The following TRPS1 variants were observed in gnomAD, a reference collection of about 807,000 sequenced individuals.
TRPS1 encodes the protein zinc finger transcription factor Trps1.
TRPS1 carries 6 observed loss-of-function variants against 101.2 expected under a neutral mutation model. The ratio of observed to expected loss-of-function variants is 0.06; its 90% CI spans 0.03 to 0.12. The LOEUF (loss-of-function observed/expected upper bound fraction) is 0.12, where lower values mean the gene tolerates loss of function less well. Ranked by LOEUF, TRPS1 falls within the 10% of genes least tolerant of loss-of-function variation. The probability of loss-of-function intolerance (pLI) is 1.00; values close to 1 mark genes in which losing one functional copy is unlikely to be tolerated. For missense variants in TRPS1, 1,363 were observed against 1,567.0 expected, an observed-to-expected ratio of 0.87 and a Z score of 2.20; for synonymous variants, 578 against 589.8, an observed-to-expected ratio of 0.98 and a Z score of 0.29.
chr8:115,442,345 G>A (rs914323383), intron 5 of TRPS1, among the ~76,000 whole-genome samples: 6 of 152,098 alleles, frequency 3.9e-5, no homozygotes, highest in Non-Finnish European at 7.4e-5. Context: ...ATTTTTGCTT[G>A]CAGGAATATG....
chr8:115,560,201 A>C (rs777342985), intron 5 of TRPS1, among the ~76,000 whole-genome samples: 7 of 152,120 alleles, frequency 4.6e-5, no homozygotes, highest in Non-Finnish European at 8.8e-5. Flanking sequence ...TGGGCATTCA[A>C]AATCTAAAAA....
At chr8:115,440,418 G>T (rs1014503285) in intron 5 of TRPS1, among the ~76,000 whole-genome samples, 4 of 152,188 alleles carry the variant, frequency 2.6e-5, no homozygotes, top group African/African-American at 9.7e-5. Flanking sequence ...ACACTGAATG[G>T]GAAGGAAGTA....
intron 5 of TRPS1, among the ~76,000 whole-genome samples, chr8:115,551,877 CAT>C (rs1305905869): frequency 2.0e-5 from 3 of 152,182 alleles, no homozygotes; most frequent in African/African-American, 7.2e-5. Flanking sequence ...GGCTTGCTAA[CAT>C]AGCAGAAAAG....
chr8:115,596,509 A>G (rs958977270), intron 4 of TRPS1, among the ~76,000 whole-genome samples: 1 of 151,922 alleles, frequency 6.6e-6, no homozygotes, highest in South Asian at 2.1e-4. Context: ...GAATCATAGA[A>G]TGTGATTTTA....
chr8:115,588,935 G>A (rs760370499), intron 4 of TRPS1, among the ~76,000 whole-genome samples: 3 of 152,200 alleles, frequency 2.0e-5, no homozygotes, highest in Non-Finnish European at 2.9e-5. Flanking sequence ...GACTAGACAG[G>A]AAGTTTCACA....
At chr8:115,429,889 A>C (rs981843710) in intron 5 of TRPS1, among the ~76,000 whole-genome samples, 10 of 152,198 alleles carry the variant, frequency 6.6e-5, no homozygotes, top group Admixed American at 6.5e-5. Flanking sequence ...TTATTTTTTA[A>C]AGTGATCTGT....
intron 5 of TRPS1, among the ~76,000 whole-genome samples, chr8:115,455,896 T>C (rs975209645): frequency 6.6e-6 from 1 of 150,892 alleles, no homozygotes; most frequent in African/African-American, 2.4e-5. Flanking sequence ...ACCATTCTCC[T>C]GCCTCAGCCT....
At chr8:115,641,761 T>A (rs1485160327) in intron 1 of TRPS1, among the ~76,000 whole-genome samples, 1 of 152,158 alleles carries the variant, frequency 6.6e-6, no homozygotes, top group Non-Finnish European at 1.5e-5. Flanking sequence ...ATGCCTGTAG[T>A]CTCAGCTACT....
rs573426032 is a variant in TRPS1 at position 115,628,155 on chromosome 8, C to T, written c.-121-4397G>A. Among the ~76,000 whole-genome samples, 26 of 151,780 alleles carry T rather than the reference C, an allele frequency of 1.7e-4. 1 individual carries two copies. The highest frequency in any genetic ancestry group is 6.0e-4 in the African/African-American group (25 of 41,478). Reference sequence around the variant, plus strand: ...TATGCAATAGTTCTTCCTCATGAAACTAGGAAACAACTCACAAAGCACTAG... The same window carrying T: ...TATGCAATAGTTCTTCCTCATGAAATTAGGAAACAACTCACAAAGCACTAG... On this transcript the variant is annotated intron_variant, in intron 1 of 6. Coordinates refer to ENST00000395715, the MANE Select transcript of TRPS1 (RefSeq NM_014112.5).
At chr8:115,531,626 G>C (rs1045517293) in intron 5 of TRPS1, among the ~76,000 whole-genome samples, 1 of 152,154 alleles carries the variant, frequency 6.6e-6, no homozygotes, top group Non-Finnish European at 1.5e-5. Context: ...AAAGAAGGTG[G>C]AGTACCCTTT....
At chr8:115,505,578 A>T (rs1815422043) in intron 5 of TRPS1, among the ~76,000 whole-genome samples, 1 of 152,150 alleles carries the variant, frequency 6.6e-6, no homozygotes, top group African/African-American at 2.4e-5. Flanking sequence ...CTTCTGGTTT[A>T]CCAATTTCTA....
Position 115,619,941 on chromosome 8 carries a change from C to T in TRPS1, c.157G>A (p.Asp53Asn). 2.5e-6 allele frequency: 4 copies of T among 1,614,196 alleles called. No individual in the cohort carries two copies. The highest frequency in any genetic ancestry group is 3.4e-6 in the Non-Finnish European group (4 of 1,180,028). ...TGATCCGTATTTTCTGACATCTGAT[C>T]TGCAGAAAATTCTTTGTTCTTTCCA... ...VSGKNKEFSADQMSENTDQSD... is the reference protein window; with the variant it reads ...VSGKNKEFSANQMSENTDQSD... Residue 53 changes from aspartate (D) to asparagine (N), a missense_variant, in exon 3 of 7, where the codon GAT becomes AAT. Asp to Asn is a conservative substitution (Grantham distance 23). Transcript: ENST00000395715.
chr8:115,455,602 T>C (rs1813995536), intron 5 of TRPS1, among the ~76,000 whole-genome samples: 1 of 152,134 alleles, frequency 6.6e-6, no homozygotes, highest in Non-Finnish European at 1.5e-5. Context: ...TTTAAACAGG[T>C]AATACTGAAC....
chr8:115,573,727 T>A, intron 5 of TRPS1, among the ~76,000 whole-genome samples: 1 of 152,228 alleles, frequency 6.6e-6, no homozygotes, highest in East Asian at 1.9e-4. Flanking sequence ...ATAAACATTT[T>A]AGAAAATTAT....
At chr8:115,476,898 T>C (rs1814620273) in intron 5 of TRPS1, among the ~76,000 whole-genome samples, 1 of 152,164 alleles carries the variant, frequency 6.6e-6, no homozygotes, top group East Asian at 1.9e-4. Context: ...CACTTAACAC[T>C]CATATATAAT....
At chr8:115,622,186 C>T (rs1193418194) in intron 2 of TRPS1, among the ~76,000 whole-genome samples, 2 of 151,856 alleles carry the variant, frequency 1.3e-5, no homozygotes, top group East Asian at 3.9e-4. Context: ...ACTTGATAAC[C>T]ACTGTTAAAA....
intron 5 of TRPS1, among the ~76,000 whole-genome samples, chr8:115,575,746 A>G (rs1479014651): frequency 6.6e-6 from 1 of 152,098 alleles, no homozygotes; most frequent in Admixed American, 6.6e-5. Flanking sequence ...ATGACATATG[A>G]TCTCTGAAGG....
intron 1 of TRPS1, among the ~76,000 whole-genome samples, chr8:115,660,014 C>A (rs1321418723): frequency 6.6e-6 from 1 of 151,968 alleles, no homozygotes; most frequent in Non-Finnish European, 1.5e-5. Context: ...TATGAAGCCA[C>A]AAATTCATAT....
Position 115,413,685 on chromosome 8 carries a change from G to A in TRPS1, c.*338C>T, listed in dbSNP as rs1238445590. ...TGTAAACCCTTTCAAATTCTAGACAGTTTTGGTCTCTTTCTTTATAAATAT... is the reference window on the plus strand; with the variant it reads ...TGTAAACCCTTTCAAATTCTAGACAATTTTGGTCTCTTTCTTTATAAATAT... On this transcript the variant is annotated 3_prime_UTR_variant, in exon 7 of 7. Coordinates refer to ENST00000395715, the MANE Select transcript of TRPS1 (RefSeq NM_014112.5). The A allele has an allele frequency of 3.9e-6, 1 of 253,952 alleles. No individual in the cohort carries two copies. Among genetic ancestry groups the A allele is most frequent in the Admixed American group, 5.1e-5 (1 of 19,774 alleles). 15.7% of individuals were successfully genotyped at this position (253,952 alleles called of 1,614,324 possible).
Sources: gnomAD v4.1 joint callset for allele counts (sites outside exome capture counted in the v4.1 genomes callset) on GRCh38, gnomAD v4.1.1 for gene constraint, MANE v1.5 for transcripts, NCBI Gene and HGNC (gene_info 2026-07-23, HGNC 2026-07-21) for gene names.